Variants in CLOCK observed in about 807,000 individuals in gnomAD.
CLOCK encodes circadian locomoter output cycles protein kaput.
CLOCK carries 43 observed loss-of-function variants against 118.4 expected under a neutral mutation model. The ratio of observed to expected loss-of-function variants is 0.36; its 90% CI spans 0.28 to 0.47. The LOEUF is 0.47. CLOCK is among the 20% of genes least tolerant of loss of function. CLOCK has a pLI of 1.00. For synonymous variants in CLOCK, 326 were observed against 339.2 expected (o/e 0.96, Z 0.43); for missense variants, 846 against 999.9 (o/e 0.85, Z 2.08).
chr4:55,451,876 A>G (rs1009468863), intron 15 of CLOCK, among the ~76,000 whole-genome samples: 4 of 152,192 alleles, frequency 2.6e-5, no homozygotes, highest in African/African-American at 4.8e-5. Context: ...TGCATTATTC[A>G]GTGCTGTATT....
chr4:55,524,051 C>T (rs2110069516), intron 1 of CLOCK, among the ~76,000 whole-genome samples: 1 of 152,184 alleles, frequency 6.6e-6, no homozygotes, highest in East Asian at 1.9e-4. Context: ...GACGTAAGAA[C>T]ACATCATTTT....
intron 1 of CLOCK, among the ~76,000 whole-genome samples, chr4:55,534,752 T>C (rs1730776049): frequency 1.4e-5 from 2 of 143,760 alleles, no homozygotes; most frequent in African/African-American, 5.6e-5. Context: ...CCATTAAAGG[T>C]ATACTAAAAG....
chr4:55,435,848 A>G (rs769211169), intron 22 of CLOCK, among the ~76,000 whole-genome samples: 2 of 152,252 alleles, frequency 1.3e-5, no homozygotes, highest in African/African-American at 2.4e-5. Flanking sequence ...AAAGCAATCT[A>G]TATCTTGAGC....
intron 1 of CLOCK, among the ~76,000 whole-genome samples, chr4:55,520,070 A>G (rs995236414): frequency 6.6e-6 from 1 of 152,210 alleles, no homozygotes; most frequent in Non-Finnish European, 1.5e-5. Flanking sequence ...AATCCGATTC[A>G]AGGCCAACAT....
Position 55,435,398 on chromosome 4 carries a change from G to C in CLOCK, c.*17C>G, listed in dbSNP as rs536813389. ...CATCCCCTTCCTCCCTTGATGTCAA[G>C]AGAGGAAGCACGTGTGCTACTGTGG... On this transcript the variant is annotated 3_prime_UTR_variant, in exon 23 of 23. Transcript: ENST00000513440. 4 of 1,613,756 alleles carry C rather than the reference G, an allele frequency of 2.5e-6. No homozygotes were observed. The African/African-American group carries it at 4.0e-5, about 16-fold the overall frequency.
rs188136524 is a variant in CLOCK at position 55,439,696 on chromosome 4, C to G, written c.2106-1159G>C. On this transcript the variant is annotated intron_variant, in intron 21 of 22. Coordinates refer to ENST00000513440, the MANE Select transcript of CLOCK (RefSeq NM_004898.4). ...GCCTTAAAAAGGAAAGAAATTCTGA[C>G]AATTGCTGTAACATGGATGAACCCT... Among the ~76,000 whole-genome samples the G allele has an allele frequency of 9.9e-4, 151 of 152,240 alleles. 2 individuals carry two copies. Among genetic ancestry groups the G allele is most frequent in the Middle Eastern group, 3.4e-3 (1 of 294 alleles).
intron 18 of CLOCK, among the ~76,000 whole-genome samples, 183 bp downstream of exon 18, chr4:55,448,596 G>GCA (rs1402595171): frequency 1.8e-5 from 2 of 108,718 alleles, no homozygotes; most frequent in African/African-American, 9.8e-5. Context: ...GCGCGCGCAC[G>GCA]CGCGCGTGTG....
In CLOCK at chr4:55,475,974, A is replaced by G; in HGVS notation, c.337T>C (p.Leu113=). 6.2e-7 allele frequency: 1 copy of G among 1,609,478 alleles called. No individual in the cohort carries two copies. Among genetic ancestry groups the G allele is most frequent in the South Asian group, 1.1e-5 (1 of 90,938 alleles). The change falls in exon 7 of 23, where the codon TTA becomes CTA. Residue 113 remains leucine, a synonymous_variant. Coordinates refer to ENST00000513440, the MANE Select transcript of CLOCK (RefSeq NM_004898.4). ...AAATCTGGACATACCTCTAACATTA[A>G]TTGTGTAAACTCTTCATTACTAAGG... ...TFLSNEEFTQ[L]MLEALDGFFL...
intron 9 of CLOCK, 98 bp downstream of exon 9, chr4:55,463,587 T>C (rs964382760): frequency 5.1e-6 from 6 of 1,186,228 alleles, no homozygotes; most frequent in Non-Finnish European, 7.5e-6. Context: ...TATGGAGTAA[T>C]GCTGTATTTA....
At position 55,546,899 on chromosome 4, in the gene CLOCK, G is replaced by C. The variant is rs1012101279; in HGVS notation, c.-407C>G. 2 of 152,156 alleles carry C rather than the reference G, an allele frequency of 1.3e-5. No homozygotes were observed. The highest frequency in any genetic ancestry group is 2.9e-5 in the Non-Finnish European group (2 of 68,050). 9.4% of individuals were successfully genotyped at this position (152,156 alleles called of 1,614,324 possible). ...GTGATTGCGCCCCCTCCCGGCGCATGCGTCGTCAGCGACCCCGCGGGCTCA... is the reference window on the plus strand; with the variant it reads ...GTGATTGCGCCCCCTCCCGGCGCATCCGTCGTCAGCGACCCCGCGGGCTCA... On this transcript the variant is annotated 5_prime_UTR_variant, in exon 1 of 23. Transcript: ENST00000513440.
intron 1 of CLOCK, among the ~76,000 whole-genome samples, chr4:55,525,147 G>A (rs1730096414): frequency 6.6e-6 from 1 of 152,136 alleles, no homozygotes; most frequent in African/African-American, 2.4e-5. Context: ...TATAACCAAT[G>A]AAAGATAGAA....
At chr4:55,447,047 TG>T (rs1293482098) in intron 18 of CLOCK, among the ~76,000 whole-genome samples, 1 of 151,966 alleles carries the variant, frequency 6.6e-6, no homozygotes, top group Non-Finnish European at 1.5e-5. Flanking sequence ...TTTTTTTTTT[TG>T]TTTTTTTTTA....
chr4:55,526,603 C>A (rs561940739), intron 1 of CLOCK, among the ~76,000 whole-genome samples: 1 of 152,192 alleles, frequency 6.6e-6, no homozygotes, highest in Non-Finnish European at 1.5e-5. Flanking sequence ...AATCATACTA[C>A]TGTGTCTGCC....
chr4:55,518,629 A>T (rs1729664446), intron 1 of CLOCK, among the ~76,000 whole-genome samples: 1 of 152,132 alleles, frequency 6.6e-6, no homozygotes, highest in African/African-American at 2.4e-5. Context: ...CATCAATGAG[A>T]TCAGTGCCCT....
intron 1 of CLOCK, among the ~76,000 whole-genome samples, chr4:55,544,861 C>T (rs1731503485): frequency 6.6e-6 from 1 of 152,168 alleles, no homozygotes. Flanking sequence ...CAAACATAAA[C>T]TTGTATTATT....
chr4:55,435,441 C>A lies in CLOCK; in HGVS notation c.2515G>T (p.Asp839Tyr). Residue 839 changes from aspartate (D) to tyrosine (Y), a missense_variant, in exon 23 of 23, where the codon GAC becomes TAC. By Grantham distance (160) the Asp-to-Tyr change is radical (BLOSUM62 -3). Around this residue, in one of 4 missense-constraint regions of CLOCK, gnomAD observed 520 missense variants for 558.0 expected, o/e 0.93. Coordinates refer to ENST00000513440, the MANE Select transcript of CLOCK (RefSeq NM_004898.4). ...LSRHRTDSLP[D>Y]PSKVQPQ Reference sequence around the variant, plus strand: ...TACTGTGGTTGAACCTTGGAAGGGTCGGGCAAGCTGTCAGTCCTGTGCCGG... The same window carrying A: ...TACTGTGGTTGAACCTTGGAAGGGTAGGGCAAGCTGTCAGTCCTGTGCCGG... 6.2e-7 allele frequency: 1 copy of A among 1,613,940 alleles called. No homozygotes were observed. Among genetic ancestry groups the A allele is most frequent in the Admixed American group, 1.7e-5 (1 of 60,008 alleles).
At chr4:55,479,117 G>A in intron 5 of CLOCK, 154 bp from the exon 6 acceptor site, 1 of 580,338 alleles carries the variant, frequency 1.7e-6, no homozygotes, top group South Asian at 3.4e-5. Flanking sequence ...GTTAATTTGG[G>A]CAATAATTTT....
intron 2 of CLOCK, among the ~76,000 whole-genome samples, chr4:55,491,579 A>G (rs1268553984): frequency 6.6e-6 from 1 of 152,148 alleles, no homozygotes; most frequent in Non-Finnish European, 1.5e-5. Context: ...CCTAGAAAAA[A>G]TGGATAAATT....
chr4:55,448,576 A>C (rs2109734557), intron 18 of CLOCK, among the ~76,000 whole-genome samples: 1 of 148,094 alleles, frequency 6.8e-6, no homozygotes, highest in East Asian at 2.0e-4. Context: ...AACTATAATT[A>C]TATATGTGCG....
Sources: allele counts gnomAD v4.1 joint callset (sites outside exome capture counted in the v4.1 genomes callset), GRCh38; gene constraint gnomAD v4.1.1; regional missense constraint gnomAD v4.1.1; transcripts MANE v1.5; gene names NCBI Gene and HGNC (gene_info 2026-07-23, HGNC 2026-07-21).